GUCY1A2: variants seen among roughly 807,000 people sequenced by gnomAD.
The protein encoded by GUCY1A2 is guanylate cyclase 1 soluble subunit alpha 2.
In GUCY1A2, 27 loss-of-function variants were observed where a neutral mutation model predicts 63.5. That is an observed-to-expected ratio of 0.43 (90% CI 0.31 to 0.59). The LOEUF (loss-of-function observed/expected upper bound fraction) is 0.59, where lower values mean the gene tolerates loss of function less well. Ranked by LOEUF, GUCY1A2 falls within the 20% of genes least tolerant of loss-of-function variation. GUCY1A2 has a pLI of 0.11. For synonymous variants in GUCY1A2, 364 were observed against 343.5 expected (o/e 1.06, Z -0.66); for missense variants, 768 against 913.3 (o/e 0.84, Z 2.05).
At chr11:106,799,113 C>G (rs563235956) in intron 5 of GUCY1A2, among the ~76,000 whole-genome samples, 5 of 152,066 alleles carry the variant, frequency 3.3e-5, no homozygotes, top group Non-Finnish European at 7.4e-5. Context: ...TTCTTATACA[C>G]CAATAACAGA....
rs1304403194 is a variant in GUCY1A2, at chr11:106,708,765, A to AAT, written c.1837-100_1837-99insAT. 1.4e-5 allele frequency: 10 copies of AAT among 716,708 alleles called. No individual in the cohort carries two copies. The African/African-American group carries it at 1.7e-4, about 12-fold the overall frequency. The allele number at this position is 716,708 out of a possible 1,614,324, so 44.4% of individuals were successfully genotyped here. On this transcript the variant is annotated intron_variant, in intron 6 of 7. Coordinates refer to ENST00000526355, the MANE Select transcript of GUCY1A2 (RefSeq NM_000855.3). ...TGCTAATTAATAATAATAATAATAA[A>AAT]AAAAAACTATGAGCTCCTCAAAGAC...
intron 1 of GUCY1A2, among the ~76,000 whole-genome samples, chr11:106,990,060 C>T (rs1050665250): frequency 6.6e-6 from 1 of 152,126 alleles, no homozygotes; most frequent in Non-Finnish European, 1.5e-5. Flanking sequence ...TTCCTACTAT[C>T]ATAAAAAGAA....
At chr11:106,940,218 A>G (rs1372590228) in intron 3 of GUCY1A2, 40 bp from the exon 4 acceptor site, 2 of 903,026 alleles carry the variant, frequency 2.2e-6, no homozygotes, top group Admixed American at 4.4e-5. Flanking sequence ...GAAGTCTAAT[A>G]TAAATAATTG....
chr11:106,759,873 T>G (rs1397965765), intron 6 of GUCY1A2, among the ~76,000 whole-genome samples: 1 of 152,212 alleles, frequency 6.6e-6, no homozygotes, highest in Non-Finnish European at 1.5e-5. Context: ...AGGCGAAGCT[T>G]GCAGTGAGCA....
At chr11:106,705,136 A>G (rs1004589588) in intron 7 of GUCY1A2, among the ~76,000 whole-genome samples, 9 of 152,132 alleles carry the variant, frequency 5.9e-5, no homozygotes, top group Non-Finnish European at 1.0e-4. Flanking sequence ...GTGATAATTA[A>G]AAAATAGAAA....
At position 106,756,800 on chromosome 11, in the gene GUCY1A2, A is replaced by G. The variant is rs181452154; in HGVS notation, c.1836+19639T>C. 5.8e-3 allele frequency among the ~76,000 whole-genome samples: 883 copies of G among 152,092 alleles called. 7 individuals carry two copies. The highest frequency in any genetic ancestry group is 0.02 in the Middle Eastern group (6 of 294). ...TAACATTTTTTCCTTCATTTCAACC[A>G]TGGTGAATCTGACGATTATGTTTCT... On this transcript the variant is annotated intron_variant, in intron 6 of 7. Coordinates refer to ENST00000526355, the MANE Select transcript of GUCY1A2 (RefSeq NM_000855.3).
intron 4 of GUCY1A2, among the ~76,000 whole-genome samples, chr11:106,906,928 C>T (rs1326552405): frequency 6.6e-6 from 1 of 151,966 alleles, no homozygotes; most frequent in African/African-American, 2.4e-5. Flanking sequence ...CACATTGGGG[C>T]CTGTCAGAGG....
intron 3 of GUCY1A2, among the ~76,000 whole-genome samples, chr11:106,957,188 C>A (rs1462844074): frequency 6.6e-6 from 1 of 152,150 alleles, no homozygotes; most frequent in Non-Finnish European, 1.5e-5. Flanking sequence ...GTGTGCCCAC[C>A]CTGCCCAGGG....
chr11:106,944,926 T>G (rs2119995132), intron 3 of GUCY1A2, among the ~76,000 whole-genome samples: 1 of 152,260 alleles, frequency 6.6e-6, no homozygotes. Context: ...TCCTTCTATT[T>G]TCCATAAACA....
rs186646014 is a variant in GUCY1A2 at position 106,825,188 on chromosome 11, C to G, written c.1207-14710G>C. On this transcript the variant is annotated intron_variant, in intron 4 of 7. Coordinates refer to ENST00000526355, the MANE Select transcript of GUCY1A2 (RefSeq NM_000855.3). ...CAAGGGAAAAATTTTTATGTAAAAC[C>G]CTTTAATTGTAAAATATTTGAGAAT... Among the ~76,000 whole-genome samples, 377 of 151,842 alleles carry G rather than the reference C, an allele frequency of 2.5e-3. 1 individual carries two copies. The highest frequency in any genetic ancestry group is 8.6e-3 in the African/African-American group (356 of 41,462).
At chr11:106,899,978 C>T (rs997102314) in intron 4 of GUCY1A2, among the ~76,000 whole-genome samples, 2 of 150,058 alleles carry the variant, frequency 1.3e-5, no homozygotes, top group African/African-American at 2.5e-5. Context: ...CCCAGCTAAT[C>T]GGGAGGCTGA....
chr11:106,811,853 G>A (rs1038493805), intron 4 of GUCY1A2, among the ~76,000 whole-genome samples: 20 of 151,912 alleles, frequency 1.3e-4, no homozygotes, highest in African/African-American at 4.3e-4. Context: ...TGGATGATAA[G>A]GATAGAAAGA....
At position 106,687,713 on chromosome 11, in the gene GUCY1A2, G is replaced by A. The variant is rs758037902; in HGVS notation, c.2035C>T (p.Arg679Cys). 5.0e-6 allele frequency: 8 copies of A among 1,612,944 alleles called. No homozygotes were observed. Among genetic ancestry groups the A allele is most frequent in the Admixed American group, 1.7e-5 (1 of 59,992 alleles). ...EESFTFIPRS[R>C]EELPDNFPKE... Reference sequence around the variant, plus strand: ...GGAAAGTTGTCTGGAAGCTCTTCACGAGACCGCGGAATGAATGTGAAACTT... The same window carrying A: ...GGAAAGTTGTCTGGAAGCTCTTCACAAGACCGCGGAATGAATGTGAAACTT... Residue 679 changes from arginine (R) to cysteine (C), a missense_variant, in exon 8 of 8, where the codon CGT (arginine) becomes TGT (cysteine). Transcript: ENST00000526355.
chr11:106,902,269 C>A (rs1335506128), intron 4 of GUCY1A2, among the ~76,000 whole-genome samples: 1 of 152,154 alleles, frequency 6.6e-6, no homozygotes, highest in Non-Finnish European at 1.5e-5. Context: ...TTCAGTAAAC[C>A]ATGCTGTAAG....
At chr11:106,814,299 G>C (rs1448583024) in intron 4 of GUCY1A2, among the ~76,000 whole-genome samples, 1 of 152,038 alleles carries the variant, frequency 6.6e-6, no homozygotes. Flanking sequence ...ATTTATGAAA[G>C]CACAAACAGA....
intron 6 of GUCY1A2, among the ~76,000 whole-genome samples, chr11:106,717,926 C>T (rs1319062132): frequency 6.6e-6 from 1 of 152,070 alleles, no homozygotes; most frequent in Non-Finnish European, 1.5e-5. Flanking sequence ...TTTGAAAGCT[C>T]AAGATTCTTA....
intron 4 of GUCY1A2, among the ~76,000 whole-genome samples, chr11:106,817,004 A>G (rs1371432277): frequency 1.3e-5 from 2 of 152,112 alleles, no homozygotes; most frequent in Admixed American, 1.3e-4. Context: ...TTGCTGGAAA[A>G]TTCTAACAAC....
chr11:106,990,584 T>C (rs1310318326), intron 1 of GUCY1A2, among the ~76,000 whole-genome samples: 1 of 152,052 alleles, frequency 6.6e-6, no homozygotes, highest in Non-Finnish European at 1.5e-5. Context: ...TCTCTCTCTC[T>C]CTGTGTGTGT....
chr11:106,863,133 CTTTAG>C (rs1351786949), intron 4 of GUCY1A2, among the ~76,000 whole-genome samples: 4 of 152,076 alleles, frequency 2.6e-5, no homozygotes, highest in South Asian at 4.1e-4. Flanking sequence ...TGCAGAAGCT[CTTTAG>C]TTTAATTAGA....
Sources: allele counts gnomAD v4.1 joint callset (sites outside exome capture counted in the v4.1 genomes callset), GRCh38; gene constraint gnomAD v4.1.1; transcripts MANE v1.5; gene names NCBI Gene and HGNC (gene_info 2026-07-23, HGNC 2026-07-21).